The following FAM13B variants were observed in gnomAD, a reference collection of about 807,000 sequenced individuals.
The protein encoded by FAM13B is protein FAM13B.
Under a neutral mutation model 117.3 loss-of-function variants are expected in FAM13B, and 60 were observed. The observed-to-expected ratio is 0.51, with a 90% CI of 0.42 to 0.63. The LOEUF (loss-of-function observed/expected upper bound fraction) is 0.63, where lower values mean the gene tolerates loss of function less well. FAM13B is among the 30% of genes least tolerant of loss of function. FAM13B has a pLI of 0.00. For synonymous variants in FAM13B, 332 were observed against 356.1 expected, an observed-to-expected ratio of 0.93 and a Z score of 0.76; for missense variants, 972 against 1,091.9, an observed-to-expected ratio of 0.89 and a Z score of 1.55.
intron 1 of FAM13B, among the ~76,000 whole-genome samples, chr5:138,040,503 C>T (rs1186330275): frequency 4.0e-5 from 6 of 151,678 alleles, no homozygotes; most frequent in South Asian, 2.1e-4. Flanking sequence ...ATCTGGGAGG[C>T]GGAGATTACC....
At chr5:137,996,088 G>A (rs956906520) in intron 7 of FAM13B, among the ~76,000 whole-genome samples, 1 of 152,172 alleles carries the variant, frequency 6.6e-6, no homozygotes, top group African/African-American at 2.4e-5. Flanking sequence ...TCAACTGAAG[G>A]CATATTTTCT....
intron 10 of FAM13B, among the ~76,000 whole-genome samples, chr5:137,971,893 T>C (rs1772296930): frequency 6.6e-6 from 1 of 151,970 alleles, no homozygotes; most frequent in South Asian, 2.1e-4. Flanking sequence ...ACACATACAC[T>C]CTCCCAAGAC....
chr5:137,968,128 A>G (rs1037302564), intron 10 of FAM13B, among the ~76,000 whole-genome samples: 5 of 150,684 alleles, frequency 3.3e-5, no homozygotes, highest in African/African-American at 1.2e-4. Flanking sequence ...AGGCTGAGGC[A>G]GGAGAATCGC....
At chr5:138,049,037 G>T (rs1039998016) in intron 1 of FAM13B, among the ~76,000 whole-genome samples, 3 of 151,026 alleles carry the variant, frequency 2.0e-5, no homozygotes, top group Non-Finnish European at 4.4e-5. Context: ...CTCCTCCCAG[G>T]TTCAAGTGAT....
chr5:137,988,167 T>C, intron 8 of FAM13B, 107 bp downstream of exon 8: 2 of 769,234 alleles, frequency 2.6e-6, no homozygotes, highest in Non-Finnish European at 4.0e-6. Flanking sequence ...TTACTGCCTG[T>C]GTACAGTCTT....
At chr5:137,992,198 C>T (rs1203415075) in intron 7 of FAM13B, among the ~76,000 whole-genome samples, 2 of 151,548 alleles carry the variant, frequency 1.3e-5, no homozygotes, top group Non-Finnish European at 2.9e-5. Context: ...AGGTGTGAGC[C>T]ATCGTGCTCA....
At chr5:137,967,885 C>A (rs1000175181) in intron 10 of FAM13B, among the ~76,000 whole-genome samples, 2 of 151,278 alleles carry the variant, frequency 1.3e-5, no homozygotes, top group East Asian at 2.0e-4. Context: ...TAAAGCAAGA[C>A]CCTGTCTCAA....
rs1397057066 is a variant in FAM13B at position 137,938,185 on chromosome 5, T to C, written c.*2040A>G. 3.9e-5 allele frequency: 6 copies of C among 152,588 alleles called. No homozygotes were observed. The highest frequency in any genetic ancestry group is 2.1e-4 in the South Asian group (1 of 4,836). 9.5% of individuals were successfully genotyped at this position (152,588 alleles called of 1,614,324 possible). On this transcript the variant is annotated 3_prime_UTR_variant, in exon 24 of 24. Transcript: ENST00000689681. ...GAGCATAAGTGCTGCCATGCCACTT[T>C]TACATATTCTACTCACAGCCAAACA...
intron 17 of FAM13B, among the ~76,000 whole-genome samples, chr5:137,950,840 A>G (rs1244394573): frequency 6.6e-6 from 1 of 152,210 alleles, no homozygotes; most frequent in Non-Finnish European, 1.5e-5. Flanking sequence ...ATGACTGGAA[A>G]TTGGCATTAA....
At chr5:138,006,313 C>T (rs577940784) in intron 7 of FAM13B, among the ~76,000 whole-genome samples, 1 of 152,286 alleles carries the variant, frequency 6.6e-6, no homozygotes, top group African/African-American at 2.4e-5. Flanking sequence ...AACCATGGAG[C>T]TTTACGGAGA....
At chr5:137,969,368 C>T (rs1771262324) in intron 10 of FAM13B, among the ~76,000 whole-genome samples, 1 of 152,090 alleles carries the variant, frequency 6.6e-6, no homozygotes, top group African/African-American at 2.4e-5. Flanking sequence ...CTCACACGGC[C>T]GGGTGCTCCA....
rs750357471 is a variant in FAM13B at position 137,949,074 on chromosome 5, C to T, written c.2041G>A (p.Glu681Lys). The stretch of plus-strand genomic sequence containing the variant: ...TTCTGAATGACCTTGGGTTCATCTT[C>T]ATTCTCTTCATCTTCATGGTCTAGA... ...SSLDHEDEEN[E>K]DEPKVIQKEK... is the part of the protein sequence containing the mutation. The change falls in exon 18 of 24, where the codon GAA (glutamate) becomes AAA (lysine). Residue 681 changes from glutamate to lysine, a missense_variant. Transcript: ENST00000689681. 6.2e-7 allele frequency: 1 copy of T among 1,614,088 alleles called. No homozygotes were observed. The highest frequency in any genetic ancestry group is 1.1e-5 in the South Asian group (1 of 91,086).
intron 7 of FAM13B, among the ~76,000 whole-genome samples, chr5:138,000,477 A>G (rs1029321418): frequency 3.3e-5 from 5 of 152,234 alleles, no homozygotes; most frequent in Non-Finnish European, 7.3e-5. Flanking sequence ...TAACAAACTG[A>G]AACAAAAGTT....
chr5:138,003,982 C>G (rs1781906182), intron 7 of FAM13B, among the ~76,000 whole-genome samples: 1 of 152,088 alleles, frequency 6.6e-6, no homozygotes, highest in Admixed American at 6.6e-5. Flanking sequence ...AGAATCCTAA[C>G]AACTGGCCAG....
chr5:138,031,582 G>C (rs1035587729), intron 1 of FAM13B, among the ~76,000 whole-genome samples: 1 of 152,068 alleles, frequency 6.6e-6, no homozygotes, highest in Non-Finnish European at 1.5e-5. Flanking sequence ...CTACTCAGGA[G>C]GCTGAGGCAG....
intron 14 of FAM13B, among the ~76,000 whole-genome samples, chr5:137,955,018 G>T (rs1221377691): frequency 6.6e-6 from 1 of 152,092 alleles, no homozygotes; most frequent in Non-Finnish European, 1.5e-5. Context: ...TAATTCTAAA[G>T]ATGTTATTTA....
At chr5:137,967,759 G>A (rs1280122160) in intron 10 of FAM13B, among the ~76,000 whole-genome samples, 1 of 152,006 alleles carries the variant, frequency 6.6e-6, no homozygotes, top group East Asian at 1.9e-4. Flanking sequence ...CAGGTGTGAT[G>A]GCATGCCCCT....
intron 14 of FAM13B, among the ~76,000 whole-genome samples, chr5:137,955,553 A>G (rs1242811593): frequency 6.6e-6 from 1 of 152,218 alleles, no homozygotes; most frequent in Non-Finnish European, 1.5e-5. Context: ...CATACACACA[A>G]TCCACAAATA....
At chr5:137,984,430 C>T (rs904733369) in intron 10 of FAM13B, among the ~76,000 whole-genome samples, 7 of 152,142 alleles carry the variant, frequency 4.6e-5, no homozygotes, top group African/African-American at 1.7e-4. Flanking sequence ...ACAACTAGGT[C>T]TCCCCAACAC....
Sources: gnomAD v4.1 joint callset for allele counts (sites outside exome capture counted in the v4.1 genomes callset) on GRCh38, gnomAD v4.1.1 for gene constraint, MANE v1.5 for transcripts, NCBI Gene and HGNC (gene_info 2026-07-23, HGNC 2026-07-21) for gene names.